JARID2: variants seen among roughly 807,000 people sequenced by gnomAD.
JARID2 encodes protein Jumonji.
JARID2 carries 21 observed loss-of-function variants against 125.6 expected under a neutral mutation model. The ratio of observed to expected loss-of-function variants is 0.17; its 90% CI spans 0.12 to 0.24. JARID2 has a LOEUF of 0.24. Among genes scored for constraint, JARID2 ranks in the 10% least tolerant of loss-of-function variants. The pLI, the probability that JARID2 is intolerant of heterozygous loss-of-function variation, is 1.00. For missense variants in JARID2, 1,303 were observed against 1,639.6 expected (o/e 0.79, Z 3.55); for synonymous variants, 736 against 661.6 (o/e 1.11, Z -1.73).
chr6:15,394,380 G>A lies in JARID2; in HGVS notation c.182-15844G>A, dbSNP rs74663280. The stretch of plus-strand genomic sequence containing the variant: ...TAATCCCAGCACTTTGTGCGGCTGG[G>A]GTGCCTCGGGAGGATCGCTTCAGGC... On this transcript the variant is annotated intron_variant, in intron 2 of 17. Coordinates refer to ENST00000341776, the MANE Select transcript of JARID2 (RefSeq NM_004973.4). Among the ~76,000 whole-genome samples the A allele has an allele frequency of 7.5e-3, 1,138 of 152,198 alleles. 15 individuals are homozygous for A. Among genetic ancestry groups the A allele is most frequent in the African/African-American group, 0.026 (1,079 of 41,538 alleles).
intron 6 of JARID2, among the ~76,000 whole-genome samples, chr6:15,490,016 C>T (rs759361764): frequency 5.9e-5 from 9 of 152,214 alleles, no homozygotes; most frequent in Non-Finnish European, 1.3e-4. Context: ...CCCTATTATT[C>T]CTTTGGAGCC....
intron 1 of JARID2, among the ~76,000 whole-genome samples, chr6:15,338,007 A>G (rs1443855584): frequency 1.3e-5 from 2 of 152,170 alleles, no homozygotes; most frequent in African/African-American, 4.8e-5. Context: ...CACCTCACGG[A>G]AGGACGCCAT....
At position 15,246,342 on chromosome 6, in the gene JARID2, C is replaced by T; in HGVS notation, c.-198C>T. 7.1e-6 allele frequency: 4 copies of T among 566,804 alleles called. No homozygotes were observed. Among genetic ancestry groups the T allele is most frequent in the East Asian group, 3.0e-5 (1 of 33,472 alleles). The allele number at this position is 566,804 out of a possible 1,614,324, so 35.1% of individuals were successfully genotyped here. A position where few individuals can be genotyped will look rare whatever the true frequency, so the allele number is the denominator to read the frequency against. ...TTTTGTTTGCTTCGTTCGTCTTTGG[C>T]TCTTTTTTTTTCCTTCCCAATTTCG... On this transcript the variant is annotated 5_prime_UTR_variant, in exon 1 of 18. Coordinates refer to ENST00000341776, the MANE Select transcript of JARID2 (RefSeq NM_004973.4).
intron 1 of JARID2, among the ~76,000 whole-genome samples, chr6:15,343,223 C>A (rs1763128678): frequency 1.0e-5 from 1 of 100,180 alleles, no homozygotes; most frequent in Non-Finnish European, 2.0e-5. Context: ...GAACGAAACT[C>A]CGTCAAAAAA....
chr6:15,440,045 CAG>C (rs1283954303), intron 3 of JARID2, among the ~76,000 whole-genome samples: 2 of 152,328 alleles, frequency 1.3e-5, no homozygotes, highest in South Asian at 2.1e-4. Context: ...CCTTGTGAAT[CAG>C]AGAGAATGAC....
At chr6:15,280,296 G>C (rs926126845) in intron 1 of JARID2, among the ~76,000 whole-genome samples, 2 of 152,026 alleles carry the variant, frequency 1.3e-5, no homozygotes, top group African/African-American at 4.8e-5. Context: ...AAATTCGTTC[G>C]AGTTAAACTA....
chr6:15,256,263 G>A (rs948593184), intron 1 of JARID2, among the ~76,000 whole-genome samples: 2 of 152,190 alleles, frequency 1.3e-5, no homozygotes, highest in African/African-American at 2.4e-5. Flanking sequence ...CTGATAGCAA[G>A]TAGCAGATGC....
At chr6:15,455,272 TA>T (rs974279194) in intron 4 of JARID2, among the ~76,000 whole-genome samples, 6 of 152,110 alleles carry the variant, frequency 3.9e-5, no homozygotes, top group African/African-American at 1.4e-4. Context: ...TTTTTTTTTT[TA>T]AATGACAAAT....
intron 1 of JARID2, among the ~76,000 whole-genome samples, chr6:15,317,096 T>C (rs955614305): frequency 6.6e-6 from 1 of 152,208 alleles, no homozygotes; most frequent in Non-Finnish European, 1.5e-5. Flanking sequence ...TTATTTATAA[T>C]TAGCAATGGT....
chr6:15,372,918 A>G (rs1764226125), intron 1 of JARID2, among the ~76,000 whole-genome samples: 1 of 151,652 alleles, frequency 6.6e-6, no homozygotes, highest in East Asian at 2.0e-4. Flanking sequence ...CATGTTATTC[A>G]GGCTAGTCTT....
chr6:15,490,337 G>C (rs889002670), intron 6 of JARID2, among the ~76,000 whole-genome samples: 1 of 152,190 alleles, frequency 6.6e-6, no homozygotes, highest in African/African-American at 2.4e-5. Flanking sequence ...TTTTTAGGGG[G>C]TGCTGCCGAG....
chr6:15,469,582 A>T (rs1458018693), intron 5 of JARID2, among the ~76,000 whole-genome samples: 1 of 150,210 alleles, frequency 6.7e-6, no homozygotes, highest in African/African-American at 2.5e-5. Flanking sequence ...ACAGGCCCCC[A>T]CGTATTACAG....
At chr6:15,406,181 A>G (rs1765641806) in intron 2 of JARID2, among the ~76,000 whole-genome samples, 1 of 152,192 alleles carries the variant, frequency 6.6e-6, no homozygotes, top group Admixed American at 6.5e-5. Context: ...CACGTCTGTA[A>G]TCCTAGCACT....
intron 3 of JARID2, among the ~76,000 whole-genome samples, chr6:15,410,832 A>G (rs1283378412): frequency 6.6e-6 from 1 of 152,222 alleles, no homozygotes; most frequent in Non-Finnish European, 1.5e-5. Flanking sequence ...TGTTTTACCA[A>G]GTTCCAAGTT....
chr6:15,480,888 C>T (rs995568352), intron 5 of JARID2, among the ~76,000 whole-genome samples: 1 of 152,132 alleles, frequency 6.6e-6, no homozygotes, highest in Non-Finnish European at 1.5e-5. Flanking sequence ...GGGCTGCCTT[C>T]CTTGAGGGTC....
At chr6:15,424,870 AAAC>A (rs565243083) in intron 3 of JARID2, among the ~76,000 whole-genome samples, 14 of 152,284 alleles carry the variant, frequency 9.2e-5, no homozygotes, top group Admixed American at 1.3e-4. Flanking sequence ...AAACAAAACA[AAAC>A]AACAACAACA....
At chr6:15,468,829 C>A in intron 5 of JARID2, 111 bp downstream of exon 5, 1 of 1,037,670 alleles carries the variant, frequency 9.6e-7, no homozygotes, top group Non-Finnish European at 1.4e-6. Flanking sequence ...GTTCTGGGTA[C>A]TTCTCCAGGG....
At chr6:15,347,648 TGG>T (rs1425861679) in intron 1 of JARID2, among the ~76,000 whole-genome samples, 1 of 152,204 alleles carries the variant, frequency 6.6e-6, no homozygotes, top group Non-Finnish European at 1.5e-5. Context: ...AGAATTCTGT[TGG>T]GGTTTAAACA....
chr6:15,438,947 G>C (rs144690960), intron 3 of JARID2, among the ~76,000 whole-genome samples: 1 of 151,214 alleles, frequency 6.6e-6, no homozygotes, highest in Non-Finnish European at 1.5e-5. Context: ...CAAGAGAATC[G>C]CTTCAACCCG....
Sources: allele counts gnomAD v4.1 joint callset (sites outside exome capture counted in the v4.1 genomes callset), GRCh38; gene constraint gnomAD v4.1.1; transcripts MANE v1.5; gene names NCBI Gene and HGNC (gene_info 2026-07-23, HGNC 2026-07-21).